CHD1L: variants seen among roughly 807,000 people sequenced by gnomAD.
CHD1L encodes chromodomain helicase DNA binding protein 1 like, also known as ATP-dependent chromatin remodeler CHD1L.
CHD1L carries 118 observed loss-of-function variants against 115.9 expected under a neutral mutation model. That is an observed-to-expected ratio of 1.02 (90% CI 0.88 to 1.19). The LOEUF is 1.19. Among genes scored for constraint, CHD1L ranks in the 50% most tolerant of loss-of-function variants. The pLI is 0.00. For missense variants in CHD1L, 1,179 were observed against 1,065.3 expected (o/e 1.11, Z -1.49); for synonymous variants, 411 against 387.1 (o/e 1.06, Z -0.72).
chr1:147,248,080 TC>T (rs1667182699), intron 1 of CHD1L, among the ~76,000 whole-genome samples: 1 of 152,212 alleles, frequency 6.6e-6, no homozygotes, highest in Non-Finnish European at 1.5e-5. Flanking sequence ...GGCTTGGACA[TC>T]TTTGTGAGGG....
chr1:147,187,414 C>G, the CHD1L span, among the ~76,000 whole-genome samples: 5,615 of 152,128 alleles, frequency 0.037, 147 homozygotes, highest in South Asian at 0.095. Flanking sequence ...TTAGGACTTA[C>G]AAAAGGAGAT....
chr1:147,246,763 T>C (rs1199283480), intron 1 of CHD1L, among the ~76,000 whole-genome samples: 1 of 152,208 alleles, frequency 6.6e-6, no homozygotes, highest in Non-Finnish European at 1.5e-5. Flanking sequence ...TGACATACTC[T>C]AGTCTTTATA....
chr1:147,289,362 C>G (rs7554833), intron 19 of CHD1L, among the ~76,000 whole-genome samples: 1 of 151,894 alleles, frequency 6.6e-6, no homozygotes, highest in African/African-American at 2.4e-5. Context: ...GAACCTTGTG[C>G]GGTATTTTGA....
At chr1:147,224,762 G>C in the CHD1L span, 2 of 760,292 alleles carry the variant, frequency 2.6e-6, no homozygotes, top group Non-Finnish European at 4.4e-6. Context: ...CGCCCGCCTC[G>C]GCCTCCCAAA....
At chr1:147,280,612 TTCA>T in intron 15 of CHD1L, among the ~76,000 whole-genome samples, 1 of 152,342 alleles carries the variant, frequency 6.6e-6, no homozygotes, top group East Asian at 1.9e-4. Context: ...TTATTTTGCG[TTCA>T]TCAACAGTGC....
chr1:147,224,386 G>T, the CHD1L span: 1 of 157,192 alleles, frequency 6.4e-6, no homozygotes, highest in African/African-American at 2.4e-5. Flanking sequence ...TAAATAAAAA[G>T]AATAAAAATT....
intron 17 of CHD1L, 55 bp downstream of exon 17, chr1:147,285,542 A>C: frequency 6.6e-7 from 1 of 1,518,118 alleles, no homozygotes; most frequent in Non-Finnish European, 8.9e-7. Flanking sequence ...ACTATTGTAT[A>C]GTGAGACCAC....
intron 20 of CHD1L, 148 bp from the exon 21 acceptor site, chr1:147,293,460 A>T: frequency 1.5e-6 from 1 of 660,478 alleles, no homozygotes; most frequent in Non-Finnish European, 2.7e-6. Flanking sequence ...TACATATAGT[A>T]GGACATTGCT....
chr1:147,281,431 C>T (rs782109560), intron 15 of CHD1L, among the ~76,000 whole-genome samples: 4 of 152,018 alleles, frequency 2.6e-5, no homozygotes, highest in Admixed American at 2.0e-4. Flanking sequence ...TTTTCTGACT[C>T]CTAATGTAGT....
chr1:147,202,623 A>G, the CHD1L span, among the ~76,000 whole-genome samples: 15 of 152,200 alleles, frequency 9.9e-5, no homozygotes, highest in African/African-American at 3.6e-4. Flanking sequence ...TGGCCTAAAA[A>G]GTAGTCTTAA....
chr1:147,186,463 A>AG, the CHD1L span: 7 of 910,806 alleles, frequency 7.7e-6, no homozygotes, highest in Non-Finnish European at 9.0e-6. Flanking sequence ...TTATAATATG[A>AG]AAAAAAACTA....
At chr1:147,188,345 G>A in the CHD1L span, among the ~76,000 whole-genome samples, 5,613 of 151,848 alleles carry the variant, frequency 0.037, 146 homozygotes, top group South Asian at 0.095. Context: ...GCAACATGGC[G>A]AAACCCCATC....
intron 1 of CHD1L, 77 bp downstream of exon 1, chr1:147,242,907 GGGTGGGCCGCCC>G: frequency 8.1e-7 from 1 of 1,232,448 alleles, no homozygotes; most frequent in Non-Finnish European, 1.0e-6. Flanking sequence ...GGGGCGCAGC[GGGTGGGCCGCCC>G]GGTGGGCAGT....
At chr1:147,280,935 C>G (rs1372247776) in intron 15 of CHD1L, among the ~76,000 whole-genome samples, 9 of 152,116 alleles carry the variant, frequency 5.9e-5, no homozygotes, top group African/African-American at 2.2e-4. Flanking sequence ...CCAGTACTTT[C>G]TTTTAATTAT....
At chr1:147,290,322 T>G (rs1308005265) in intron 19 of CHD1L, among the ~76,000 whole-genome samples, 2 of 152,080 alleles carry the variant, frequency 1.3e-5, no homozygotes, top group Non-Finnish European at 2.9e-5. Flanking sequence ...TGAGCTCAAG[T>G]GGTCCACCTC....
chr1:147,276,047 T>C (rs1390590000), intron 13 of CHD1L, 57 bp from the exon 14 acceptor site: 78 of 1,555,940 alleles, frequency 5.0e-5, no homozygotes, highest in Non-Finnish European at 6.3e-5. Flanking sequence ...CCTTGCATAC[T>C]TTTGCCCAGC....
chr1:147,227,053 T>G, the CHD1L span, among the ~76,000 whole-genome samples: 2 of 152,196 alleles, frequency 1.3e-5, no homozygotes, highest in African/African-American at 2.4e-5. Context: ...GGTCTTGAAC[T>G]CCTGGGCTCA....
the CHD1L span, chr1:147,178,963 A>G: frequency 0.031 from 50,559 of 1,612,780 alleles, 1,170 homozygotes; most frequent in South Asian, 0.09. Context: ...AAACAGGGTA[A>G]TGATGGTGGC....
Position 147,264,274 on chromosome 1 carries a change from A to G in CHD1L, c.577-148A>G, listed in dbSNP as rs1553946305. ...CATCTGCATCAAACAGCTAGTTTGCAGCTTCAACCTGAGCCATCTGATTTC... is the reference window on the plus strand; with the variant it reads ...CATCTGCATCAAACAGCTAGTTTGCGGCTTCAACCTGAGCCATCTGATTTC... On this transcript the variant is annotated intron_variant, in intron 6 of 22. Coordinates refer to ENST00000369258, the MANE Select transcript of CHD1L (RefSeq NM_004284.6). The G allele has an allele frequency of 4.6e-6, 3 of 652,238 alleles. No individual in the cohort carries two copies. The African/African-American group carries it at 5.6e-5, about 12-fold the overall frequency. 40.4% of individuals were successfully genotyped at this position (652,238 alleles called of 1,614,324 possible).
Sources: allele counts gnomAD v4.1 joint callset (sites outside exome capture counted in the v4.1 genomes callset), GRCh38; gene constraint gnomAD v4.1.1; transcripts MANE v1.5; gene names NCBI Gene and HGNC (gene_info 2026-07-23, HGNC 2026-07-21).